The following AIG1 variants were observed in gnomAD, a reference collection of about 807,000 sequenced individuals.
The protein encoded by AIG1 is androgen induced 1, also known as androgen-induced gene 1 protein.
A neutral mutation model predicts 31.4 loss-of-function variants in AIG1; 23 were observed. The ratio of observed to expected loss-of-function variants is 0.73; its 90% CI spans 0.53 to 1.04. The LOEUF (loss-of-function observed/expected upper bound fraction) is 1.04. Among genes scored for constraint, AIG1 ranks in the 50% least tolerant of loss-of-function variants. AIG1 has a pLI of 0.00. For synonymous variants in AIG1, 100 were observed against 110.5 expected (o/e 0.90, Z 0.60); for missense variants, 274 against 295.0 (o/e 0.93, Z 0.52).
intron 1 of AIG1, 42 bp downstream of exon 1, chr6:143,061,108 C>CTG (rs746294814): frequency 5.4e-4 from 848 of 1,582,300 alleles, no homozygotes; most frequent in Non-Finnish European, 6.5e-4. Flanking sequence ...CACCCCGTGC[C>CTG]TGTGTGTGCG....
intron 3 of AIG1, among the ~76,000 whole-genome samples, chr6:143,206,255 A>G (rs1791100652): frequency 6.6e-6 from 1 of 152,254 alleles, no homozygotes; most frequent in East Asian, 1.9e-4. Flanking sequence ...TAATTCTGGC[A>G]TGGAGTCATT....
In AIG1 at chr6:143,210,617, C is replaced by T. The variant is rs557273478; in HGVS notation, c.399+45434C>T. On this transcript the variant is annotated intron_variant, in intron 3 of 5. Transcript: ENST00000357847. ...TGAAGAAGGTAACATTGTAGAAAGG[C>T]TGCTTGTATACAGGAAGGAGACTAG... Among the ~76,000 whole-genome samples the T allele has an allele frequency of 2.3e-4, 35 of 152,274 alleles. No homozygotes were observed. In the South Asian group the frequency reaches 7.0e-3, roughly 31 times the overall value.
At chr6:143,336,923 G>C (rs1777534243) in intron 5 of AIG1, among the ~76,000 whole-genome samples, 2 of 151,876 alleles carry the variant, frequency 1.3e-5, no homozygotes, top group Admixed American at 1.3e-4. Context: ...AGTTGCAGGG[G>C]GAAAAAAAAA....
At chr6:143,081,201 C>T (rs572500847) in intron 1 of AIG1, among the ~76,000 whole-genome samples, 5 of 152,098 alleles carry the variant, frequency 3.3e-5, no homozygotes, top group African/African-American at 1.2e-4. Flanking sequence ...TTTTAGATGT[C>T]GTTTGAGTGT....
chr6:143,163,884 T>C (rs1294175929), intron 2 of AIG1, among the ~76,000 whole-genome samples: 1 of 152,094 alleles, frequency 6.6e-6, no homozygotes. Context: ...TGTAAGATCA[T>C]ATACACCCTC....
intron 2 of AIG1, among the ~76,000 whole-genome samples, chr6:143,163,292 TC>T (rs1269473081): frequency 6.6e-6 from 1 of 152,222 alleles, no homozygotes; most frequent in African/African-American, 2.4e-5. Context: ...GTGTTTACTA[TC>T]TGTCACTAAT....
At chr6:143,301,676 A>G (rs1798834612) in intron 4 of AIG1, among the ~76,000 whole-genome samples, 1 of 152,136 alleles carries the variant, frequency 6.6e-6, no homozygotes, top group African/African-American at 2.4e-5. Context: ...ATGAGAACTC[A>G]CTATCAAAAG....
intron 3 of AIG1, among the ~76,000 whole-genome samples, chr6:143,237,860 A>G (rs1050333262): frequency 6.6e-6 from 1 of 152,238 alleles, no homozygotes; most frequent in African/African-American, 2.4e-5. Flanking sequence ...TTTCTCCCAT[A>G]AAAAGAAGTC....
At chr6:143,263,881 A>G (rs1456519500) in intron 3 of AIG1, among the ~76,000 whole-genome samples, 1 of 152,208 alleles carries the variant, frequency 6.6e-6, no homozygotes, top group African/African-American at 2.4e-5. Context: ...TTTGTTTACC[A>G]AGCTGAAGGA....
At chr6:143,241,919 A>T (rs1794271411) in intron 3 of AIG1, among the ~76,000 whole-genome samples, 1 of 152,202 alleles carries the variant, frequency 6.6e-6, no homozygotes, top group Admixed American at 6.5e-5. Flanking sequence ...ATATGTAAAA[A>T]ATAAATGAAT....
Position 143,284,316 on chromosome 6 carries a change from C to T in AIG1, c.515+91C>T. 1 of 901,962 alleles carries T rather than the reference C, an allele frequency of 1.1e-6. No individual in the cohort carries two copies. Among genetic ancestry groups the T allele is most frequent in the Non-Finnish European group, 1.8e-6 (1 of 571,034 alleles). The allele number at this position is 901,962 out of a possible 1,614,324, so 55.9% of individuals were successfully genotyped here. A position where few individuals can be genotyped will look rare whatever the true frequency, so the allele number is the denominator to read the frequency against. ...ATTTCATTATGGATATAATCACTAA[C>T]AGATTCACGCTGTGTGCCGCATTTG... On this transcript the variant is annotated intron_variant, in intron 4 of 5. Coordinates refer to ENST00000357847, the MANE Select transcript of AIG1 (RefSeq NM_016108.4). This position sits in a 1 kb window ranked among gnomAD's most constrained non-coding sequence, Gnocchi z 4.4.
At chr6:143,183,344 C>T (rs112984286) in intron 3 of AIG1, among the ~76,000 whole-genome samples, 176 of 152,224 alleles carry the variant, frequency 1.2e-3, no homozygotes, top group African/African-American at 4.0e-3. Context: ...TACAGGCATG[C>T]ACCACCACAC....
downstream of AIG1, chr6:143,342,892 T>A (rs927272811): frequency 4.6e-6 from 4 of 870,590 alleles, no homozygotes; most frequent in Admixed American, 6.8e-5. Context: ...ATTCAATCAT[T>A]TCTCCTTATT....
In AIG1 at chr6:143,136,829, C is replaced by A; in HGVS notation, c.142-6C>A. On this transcript the variant is annotated splice_region_variant and splice_polypyrimidine_tract_variant and intron_variant, in intron 1 of 5. Transcript: ENST00000357847. ...ATGACTCATACCGGCTGTTGTCCCCCTACAGGTTATCCAGGCTGTCTTTTT... is the reference window on the plus strand; with the variant it reads ...ATGACTCATACCGGCTGTTGTCCCCATACAGGTTATCCAGGCTGTCTTTTT... 1 of 1,404,362 alleles carries A rather than the reference C, an allele frequency of 7.1e-7. No homozygotes were observed. 87.0% of individuals were successfully genotyped at this position (1,404,362 alleles called of 1,614,324 possible). A position where few individuals can be genotyped will look rare whatever the true frequency, so the allele number is the denominator to read the frequency against.
At chr6:143,112,714 A>G (rs1367143108) in intron 1 of AIG1, among the ~76,000 whole-genome samples, 1 of 152,174 alleles carries the variant, frequency 6.6e-6, no homozygotes, top group Non-Finnish European at 1.5e-5. Context: ...TGGACGGACA[A>G]ATAATCCTCA....
intron 3 of AIG1, chr6:143,187,513 T>G (rs1789374161): frequency 1.3e-6 from 2 of 1,534,738 alleles, no homozygotes; most frequent in African/African-American, 2.7e-5. Flanking sequence ...CTTACCACAT[T>G]TTTTAACCTG....
chr6:143,264,209 G>T (rs569072692), intron 3 of AIG1, among the ~76,000 whole-genome samples: 1 of 151,830 alleles, frequency 6.6e-6, no homozygotes. Flanking sequence ...TAATTTTTTC[G>T]CCCCTTTCAT....
At chr6:143,200,637 A>G (rs1304819370) in intron 3 of AIG1, among the ~76,000 whole-genome samples, 1 of 152,058 alleles carries the variant, frequency 6.6e-6, no homozygotes, top group Non-Finnish European at 1.5e-5. Context: ...TTCCATGAAC[A>G]CTTTTTACTC....
At chr6:143,159,530 T>C (rs1786129028) in intron 2 of AIG1, among the ~76,000 whole-genome samples, 1 of 152,218 alleles carries the variant, frequency 6.6e-6, no homozygotes, top group Non-Finnish European at 1.5e-5. Flanking sequence ...ATTCATAGCA[T>C]AAAAAATTAA....
Sources: allele counts gnomAD v4.1 joint callset (sites outside exome capture counted in the v4.1 genomes callset), GRCh38; gene constraint gnomAD v4.1.1; non-coding constraint Gnocchi (gnomAD v3.1); transcripts MANE v1.5; gene names NCBI Gene and HGNC (gene_info 2026-07-23, HGNC 2026-07-21).